The following LRP1B variants were observed in gnomAD, a reference collection of about 807,000 sequenced individuals.
LRP1B encodes the protein low-density lipoprotein receptor-related protein 1B.
In LRP1B, 217 loss-of-function variants were observed where a neutral mutation model predicts 556.6. The ratio of observed to expected loss-of-function variants is 0.39; its 90% CI spans 0.35 to 0.44. The LOEUF is 0.44. LRP1B is among the 20% of genes least tolerant of loss of function. LRP1B has a pLI of 1.00. For missense variants in LRP1B, 5,053 were observed against 5,620.8 expected (o/e 0.90, Z 3.23); for synonymous variants, 2,047 against 1,865.8 (o/e 1.10, Z -2.50).
chr2:141,396,839 G>A (rs943551449), intron 3 of LRP1B, among the ~76,000 whole-genome samples: 1 of 151,902 alleles, frequency 6.6e-6, no homozygotes, highest in African/African-American at 2.4e-5. Flanking sequence ...AAGAGGATGC[G>A]TGGCCGGGCA....
At chr2:141,587,652 G>A (rs112104363) in intron 2 of LRP1B, among the ~76,000 whole-genome samples, 14 of 152,102 alleles carry the variant, frequency 9.2e-5, no homozygotes, top group African/African-American at 2.7e-4. Flanking sequence ...TCTCCTTTCA[G>A]GGTAATTTAT....
At chr2:140,770,228 A>C (rs1689260875) in intron 34 of LRP1B, among the ~76,000 whole-genome samples, 1 of 151,914 alleles carries the variant, frequency 6.6e-6, no homozygotes, top group Non-Finnish European at 1.5e-5. Context: ...AGTGCCATGC[A>C]CATAAGTATC....
intron 41 of LRP1B, among the ~76,000 whole-genome samples, chr2:140,699,654 G>T (rs147077571): frequency 1.1e-3 from 164 of 151,290 alleles, no homozygotes; most frequent in African/African-American, 3.9e-3. Flanking sequence ...ACAGGAAAAA[G>T]GTTTCCCTAA....
chr2:140,705,834 T>C (rs1686819053), intron 37 of LRP1B, among the ~76,000 whole-genome samples: 4 of 152,108 alleles, frequency 2.6e-5, no homozygotes. Flanking sequence ...GGACTCACTT[T>C]TAGAGTTAAA....
At chr2:141,591,387 T>G (rs1687333086) in intron 2 of LRP1B, among the ~76,000 whole-genome samples, 1 of 149,062 alleles carries the variant, frequency 6.7e-6, no homozygotes, top group Non-Finnish European at 1.5e-5. Context: ...CCCAGGCCTC[T>G]GATCTGGGCC....
At chr2:141,391,812 A>C (rs1690058845) in intron 3 of LRP1B, among the ~76,000 whole-genome samples, 2 of 152,208 alleles carry the variant, frequency 1.3e-5, no homozygotes, top group African/African-American at 2.4e-5. Flanking sequence ...AGAATGGATA[A>C]GATCAAATGC....
intron 3 of LRP1B, among the ~76,000 whole-genome samples, chr2:141,281,233 TGCAGCTG>T (rs2105387955): frequency 6.6e-6 from 1 of 152,170 alleles, no homozygotes; most frequent in South Asian, 2.1e-4. Context: ...ATTGAAATAA[TGCAGCTG>T]GCTTTTATCT....
At chr2:140,553,796 G>C (rs1386158510) in intron 43 of LRP1B, among the ~76,000 whole-genome samples, 1 of 152,054 alleles carries the variant, frequency 6.6e-6, no homozygotes, top group African/African-American at 2.4e-5. Flanking sequence ...ATGAGCTGGA[G>C]AGGTTTTCAG....
chr2:141,768,252 T>C (rs949560946), intron 2 of LRP1B, among the ~76,000 whole-genome samples: 3 of 152,170 alleles, frequency 2.0e-5, no homozygotes, highest in Non-Finnish European at 4.4e-5. Flanking sequence ...GTTATTGTTT[T>C]GTTCTAGAAA....
At chr2:141,108,244 A>C (rs1700656291) in intron 7 of LRP1B, among the ~76,000 whole-genome samples, 1 of 152,118 alleles carries the variant, frequency 6.6e-6, no homozygotes, top group Non-Finnish European at 1.5e-5. Context: ...ATAACCAGGA[A>C]AACTCTTTAA....
intron 3 of LRP1B, among the ~76,000 whole-genome samples, chr2:141,425,307 T>A (rs1209018434): frequency 6.7e-6 from 1 of 149,352 alleles, no homozygotes; most frequent in South Asian, 2.1e-4. Flanking sequence ...ATTTTCTTAA[T>A]CCAGTCTATC....
chr2:141,649,604 A>C (rs955084702), intron 2 of LRP1B, among the ~76,000 whole-genome samples: 3 of 152,146 alleles, frequency 2.0e-5, no homozygotes, highest in Non-Finnish European at 4.4e-5. Flanking sequence ...TCTCCATTCT[A>C]CTTCCATAGC....
intron 2 of LRP1B, among the ~76,000 whole-genome samples, chr2:141,714,739 C>T (rs559272544): frequency 1.3e-5 from 2 of 152,138 alleles, no homozygotes; most frequent in African/African-American, 2.4e-5. Context: ...AACTTTCAGA[C>T]AGGCCAAGTA....
intron 32 of LRP1B, among the ~76,000 whole-genome samples, chr2:140,801,428 T>A (rs1308556199): frequency 2.0e-5 from 3 of 152,108 alleles, no homozygotes; most frequent in Non-Finnish European, 4.4e-5. Context: ...TTTACCCGGA[T>A]GTAGTGCACA....
At chr2:140,424,366 C>A (rs879571362) in intron 66 of LRP1B, among the ~76,000 whole-genome samples, 3 of 151,976 alleles carry the variant, frequency 2.0e-5, no homozygotes, top group Non-Finnish European at 4.4e-5. Context: ...AAATAAAATA[C>A]AAAAAATCCT....
chr2:141,793,248 C>G (rs1695682173), intron 2 of LRP1B, among the ~76,000 whole-genome samples: 1 of 151,850 alleles, frequency 6.6e-6, no homozygotes. Flanking sequence ...GTGTTATGTT[C>G]TTCATTCTAA....
intron 25 of LRP1B, among the ~76,000 whole-genome samples, chr2:140,882,773 G>T (rs116500710): frequency 1.3e-5 from 2 of 152,066 alleles, no homozygotes; most frequent in Non-Finnish European, 2.9e-5. Context: ...CTTAGACATC[G>T]CCTGGCTTTT....
At chr2:141,647,296 CCCT>C (rs1285668932) in intron 2 of LRP1B, among the ~76,000 whole-genome samples, 3 of 152,154 alleles carry the variant, frequency 2.0e-5, no homozygotes. Context: ...AAACTTCTAG[CCCT>C]CTCTGGTCTG....
intron 3 of LRP1B, among the ~76,000 whole-genome samples, chr2:141,278,015 A>C (rs540054068): frequency 3.7e-4 from 57 of 152,290 alleles, no homozygotes; most frequent in Middle Eastern, 3.4e-3. Flanking sequence ...CATTAAGTAA[A>C]TATAAGAGCT....
Sources: allele counts gnomAD v4.1 joint callset (sites outside exome capture counted in the v4.1 genomes callset), GRCh38; gene constraint gnomAD v4.1.1; transcripts MANE v1.5; gene names NCBI Gene and HGNC (gene_info 2026-07-23, HGNC 2026-07-21).